The following OR14I1 variants were observed in gnomAD, a reference collection of about 807,000 sequenced individuals.
OR14I1 encodes olfactory receptor 14I1.
For synonymous variants in OR14I1, 118 were observed against 71.1 expected, an observed-to-expected ratio of 1.66 and a Z score of -3.32; for missense variants, 279 against 181.8, an observed-to-expected ratio of 1.53 and a Z score of -3.07.
chr1:248,693,925 T>A, the OR14I1 span, among the ~76,000 whole-genome samples: 2 of 150,900 alleles, frequency 1.3e-5, no homozygotes, highest in East Asian at 3.9e-4. Context: ...AACCATTTAC[T>A]GGAATATTGG....
upstream of OR14I1, among the ~76,000 whole-genome samples, chr1:248,684,734 T>C (rs1270238340): frequency 1.5e-5 from 2 of 132,876 alleles, no homozygotes; most frequent in African/African-American, 5.7e-5. Context: ...GTGCAGTGCA[T>C]TATTTATAAA....
At chr1:248,696,878 C>T in the OR14I1 span, among the ~76,000 whole-genome samples, 21 of 152,178 alleles carry the variant, frequency 1.4e-4, no homozygotes, top group African/African-American at 3.9e-4. Flanking sequence ...TTATTGGATG[C>T]GTTTGAAAGT....
downstream of OR14I1, among the ~76,000 whole-genome samples, chr1:248,680,597 C>A (rs943690230): frequency 6.6e-6 from 1 of 152,118 alleles, no homozygotes; most frequent in Admixed American, 6.5e-5. Flanking sequence ...ATGACAATGG[C>A]GATGATGATA....
the OR14I1 span, among the ~76,000 whole-genome samples, chr1:248,691,599 G>T: frequency 1.3e-5 from 2 of 152,202 alleles, no homozygotes; most frequent in Non-Finnish European, 1.5e-5. Context: ...CAGAACTGTG[G>T]AACTAGCCCA....
At chr1:248,688,494 C>T in the OR14I1 span, among the ~76,000 whole-genome samples, 268 of 152,342 alleles carry the variant, frequency 1.8e-3, 1 homozygote, top group African/African-American at 6.3e-3. Flanking sequence ...TTCCAACCCA[C>T]CTTCTGTCTT....
At chr1:248,681,262 G>C (rs1402570360), downstream of OR14I1, 1 of 562,132 alleles carries the variant, frequency 1.8e-6, no homozygotes, top group African/African-American at 1.9e-5. Flanking sequence ...TTTTTTTCAG[G>C]ATTTTTCATC....
the OR14I1 span, among the ~76,000 whole-genome samples, chr1:248,695,118 T>C: frequency 1.3e-5 from 2 of 152,164 alleles, no homozygotes; most frequent in African/African-American, 2.4e-5. Flanking sequence ...AAATTATGAA[T>C]TGGAAGGTCT....
the OR14I1 span, among the ~76,000 whole-genome samples, chr1:248,688,990 A>G: frequency 3.3e-5 from 5 of 152,146 alleles, no homozygotes; most frequent in African/African-American, 7.2e-5. Flanking sequence ...TAGTAGGTAG[A>G]CAGGCCAGGT....
the OR14I1 span, among the ~76,000 whole-genome samples, chr1:248,695,237 T>A: frequency 6.9e-6 from 1 of 145,678 alleles, no homozygotes; most frequent in Non-Finnish European, 1.5e-5. Flanking sequence ...GCTTTTTTTT[T>A]TTTTTTTTTT....
the OR14I1 span, among the ~76,000 whole-genome samples, chr1:248,701,095 T>G: frequency 5.9e-5 from 9 of 152,184 alleles, no homozygotes; most frequent in African/African-American, 2.4e-5. Context: ...TAAAAAGATA[T>G]GACACTATAT....
chr1:248,678,678 C>A (rs957022882), downstream of OR14I1, among the ~76,000 whole-genome samples: 1 of 152,092 alleles, frequency 6.6e-6, no homozygotes, highest in African/African-American at 2.4e-5. Context: ...CTAAATCCAG[C>A]TAAAGTATCA....
the OR14I1 span, among the ~76,000 whole-genome samples, chr1:248,693,929 A>G: frequency 2.6e-5 from 4 of 152,084 alleles, no homozygotes; most frequent in Admixed American, 2.6e-4. Flanking sequence ...ATTTACTGGA[A>G]TATTGGGCTT....
the OR14I1 span, among the ~76,000 whole-genome samples, chr1:248,689,019 A>T: frequency 6.6e-6 from 1 of 152,298 alleles, no homozygotes; most frequent in Non-Finnish European, 1.5e-5. Context: ...TGACTGGTAT[A>T]GAAATGAAAA....
At chr1:248,685,763 C>T (rs142898169), upstream of OR14I1, among the ~76,000 whole-genome samples, 517 of 149,228 alleles carry the variant, frequency 3.5e-3, 5 homozygotes, top group African/African-American at 0.012. Flanking sequence ...TATATGTATA[C>T]ATACATATAT....
chr1:248,698,248 C>T, the OR14I1 span, among the ~76,000 whole-genome samples: 2 of 152,126 alleles, frequency 1.3e-5, no homozygotes, highest in Non-Finnish European at 2.9e-5. Flanking sequence ...AGCAATCACT[C>T]GATTGCTATT....
chr1:248,690,702 A>G, the OR14I1 span, among the ~76,000 whole-genome samples: 2 of 151,792 alleles, frequency 1.3e-5, no homozygotes, highest in East Asian at 3.8e-4. Flanking sequence ...AACAACAGAA[A>G]AAGAGGAACT....
the OR14I1 span, among the ~76,000 whole-genome samples, chr1:248,700,410 G>C: frequency 6.6e-6 from 1 of 152,198 alleles, no homozygotes; most frequent in African/African-American, 2.4e-5. Context: ...CTCTTCTTTA[G>C]CTTTAGATTA....
At chr1:248,694,361 T>C in the OR14I1 span, among the ~76,000 whole-genome samples, 1 of 152,212 alleles carries the variant, frequency 6.6e-6, no homozygotes, top group Admixed American at 6.5e-5. Flanking sequence ...TAAAAATAAA[T>C]AATATATGCC....
the OR14I1 span, among the ~76,000 whole-genome samples, chr1:248,701,364 T>C: frequency 1.3e-5 from 2 of 148,518 alleles, no homozygotes; most frequent in African/African-American, 5.3e-5. Context: ...ATGTTGGCCA[T>C]GCTGGTCTCA....
Sources: gnomAD v4.1 joint callset for allele counts (sites outside exome capture counted in the v4.1 genomes callset) on GRCh38, gnomAD v4.1.1 for gene constraint, MANE v1.5 for transcripts, NCBI Gene and HGNC (gene_info 2026-07-23, HGNC 2026-07-21) for gene names.